PGM2: variants seen among roughly 807,000 people sequenced by gnomAD.
PGM2 encodes the protein phosphoglucomutase 2.
In PGM2, 57 loss-of-function variants were observed where a neutral mutation model predicts 74.6. That is an observed-to-expected ratio of 0.76 (90% CI 0.62 to 0.95). PGM2 has a LOEUF of 0.95. Among genes scored for constraint, PGM2 ranks in the 40% least tolerant of loss-of-function variants. The pLI, the probability that PGM2 is intolerant of heterozygous loss-of-function variation, is 0.00. For synonymous variants in PGM2, 273 were observed against 260.7 expected (o/e 1.05, Z -0.46); for missense variants, 706 against 741.9 (o/e 0.95, Z 0.56).
chr4:37,826,811 A>C lies in PGM2; in HGVS notation c.79A>C (p.Lys27Gln). 1 of 1,541,712 alleles carries C rather than the reference A, an allele frequency of 6.5e-7. No individual in the cohort carries two copies. The highest frequency in any genetic ancestry group is 8.8e-7 in the Non-Finnish European group (1 of 1,139,762). The change falls in exon 1 of 14, where the codon AAG becomes CAG. Residue 27 changes from lysine to glutamine, a missense_variant and splice_region_variant. By Grantham distance (53) the Lys-to-Gln change is moderately conservative. Transcript: ENST00000381967. ...GACCGCCCAGTGGCTGCGCTGGGACAAGGTGAGGGGCACCAGCAGGCGGGG... is the reference window on the plus strand; with the variant it reads ...GACCGCCCAGTGGCTGCGCTGGGACCAGGTGAGGGGCACCAGCAGGCGGGG... ...QETAQWLRWDKNSLTLEAVKR... is the reference protein window; with the variant it reads ...QETAQWLRWDQNSLTLEAVKR...
At chr4:37,855,559 A>C in intron 12 of PGM2, 49 bp from the exon 13 acceptor site, 7 of 1,508,424 alleles carry the variant, frequency 4.6e-6, no homozygotes, top group Non-Finnish European at 6.3e-6. Context: ...GATATTGGTT[A>C]GGCCAGAATG....
At chr4:37,849,183 A>ATG (rs1455101988) in intron 11 of PGM2, among the ~76,000 whole-genome samples, 3 of 152,178 alleles carry the variant, frequency 2.0e-5, no homozygotes, top group Admixed American at 6.5e-5. Context: ...AAATGACAAC[A>ATG]TGAAAGAATG....
At chr4:37,833,553 C>T (rs1002296259) in intron 2 of PGM2, among the ~76,000 whole-genome samples, 2 of 152,012 alleles carry the variant, frequency 1.3e-5, no homozygotes, top group Non-Finnish European at 2.9e-5. Context: ...AGTGAGACCC[C>T]ATCTCAAAAG....
At chr4:37,836,035 C>G (rs180927379) in intron 3 of PGM2, among the ~76,000 whole-genome samples, 1 of 152,360 alleles carries the variant, frequency 6.6e-6, no homozygotes, top group African/African-American at 2.4e-5. Flanking sequence ...AGATCCTTTG[C>G]TCAGAGCATG....
Position 37,847,046 on chromosome 4 carries a change from T to C in PGM2, c.1123T>C (p.Leu375=). ...DRSALKDTYM[L]SSTVSSKILR... is the part of the protein sequence containing the mutation. ...CAGTGCTCTCAAAGACACGTACATG[T>C]TGTCCAGCACCGTCTCCTCCAAAAT... The change falls in exon 9 of 14, where the codon TTG becomes CTG. Residue 375 remains leucine (L), a synonymous_variant. Transcript: ENST00000381967. The C allele has an allele frequency of 1.9e-6, 3 of 1,613,874 alleles. No individual in the cohort carries two copies. The highest frequency in any genetic ancestry group is 2.5e-6 in the Non-Finnish European group (3 of 1,179,750).
chr4:37,853,400 AC>A (rs1726107622), intron 12 of PGM2, among the ~76,000 whole-genome samples: 1 of 135,528 alleles, frequency 7.4e-6, no homozygotes, highest in African/African-American at 2.8e-5. Flanking sequence ...ACAATATCTT[AC>A]CTCTCTAAGG....
Position 37,847,311 on chromosome 4 carries a change from G to C in PGM2, c.1282+16G>C. The C allele has an allele frequency of 6.5e-7, 1 of 1,547,080 alleles. No homozygotes were observed. Among genetic ancestry groups the C allele is most frequent in the Non-Finnish European group, 8.9e-7 (1 of 1,120,080 alleles). ...GAAGCTATTGGTAAGAAGTGATCAT[G>C]AACATTAAGGAATTGGCTGCAAGGC... On this transcript the variant is annotated intron_variant, in intron 10 of 13. Coordinates refer to ENST00000381967, the MANE Select transcript of PGM2 (RefSeq NM_018290.4).
In PGM2 at chr4:37,845,689, C is replaced by T. The variant is rs34893278; in HGVS notation, c.966C>T (p.Asp322=). 1,516 of 1,613,412 alleles carry T rather than the reference C, an allele frequency of 9.4e-4. 9 individuals are homozygous for T. The African/African-American group carries it at 0.017, about 18-fold the overall frequency. The part of the protein sequence containing the change: ...KTKARIVLAN[D]PDADRLAVAE... ...AGGCCAGAATTGTTTTAGCTAACGA[C>T]CCGGATGCTGATAGACTTGCTGTGG... The change falls in exon 8 of 14, where the codon GAC becomes GAT. Residue 322 remains aspartate (D), a synonymous_variant. Coordinates refer to ENST00000381967, the MANE Select transcript of PGM2 (RefSeq NM_018290.4).
intron 6 of PGM2, among the ~76,000 whole-genome samples, chr4:37,844,054 C>T (rs534725124): frequency 2.0e-5 from 3 of 152,156 alleles, no homozygotes; most frequent in Admixed American, 1.3e-4. Context: ...GTCAGGGCAC[C>T]TGTCAGGCCA....
rs183748307 is a variant in PGM2 at position 37,842,864 on chromosome 4, T to C, written c.720-1500T>C. On this transcript the variant is annotated intron_variant, in intron 6 of 13. Transcript: ENST00000381967. ...TTTTTGTAGAGATAGGGTTTCACCA[T>C]GTTGCCCAGGCTGGTCTCGTATTCC... Among the ~76,000 whole-genome samples the C allele has an allele frequency of 1.6e-4, 24 of 152,252 alleles. No homozygotes were observed. In the East Asian group the frequency reaches 3.9e-3, roughly 24 times the overall value.
At chr4:37,836,029 C>A (rs957075688) in intron 3 of PGM2, among the ~76,000 whole-genome samples, 6 of 152,234 alleles carry the variant, frequency 3.9e-5, no homozygotes, top group African/African-American at 1.2e-4. Flanking sequence ...CAAGTCAGAT[C>A]CTTTGCTCAG....
At chr4:37,842,975 C>T (rs1248425528) in intron 6 of PGM2, among the ~76,000 whole-genome samples, 1 of 152,068 alleles carries the variant, frequency 6.6e-6, no homozygotes, top group Non-Finnish European at 1.5e-5. Context: ...CATGTAATTT[C>T]ATTTAATCCT....
At chr4:37,835,479 A>T (rs2152175366) in intron 3 of PGM2, among the ~76,000 whole-genome samples, 1 of 152,362 alleles carries the variant, frequency 6.6e-6, no homozygotes, top group African/African-American at 2.4e-5. Flanking sequence ...AACTTTACTT[A>T]CAAAATGGGC....
chr4:37,839,334 T>A (rs1486273912), intron 4 of PGM2, among the ~76,000 whole-genome samples: 1 of 151,920 alleles, frequency 6.6e-6, no homozygotes, highest in Non-Finnish European at 1.5e-5. Flanking sequence ...AGGCTGGTCT[T>A]GAACTCCTGA....
chr4:37,859,616 G>A (rs6843428), intron 13 of PGM2, among the ~76,000 whole-genome samples: 116,261 of 152,074 alleles, frequency 0.76, 45,173 homozygotes, highest in African/African-American at 0.9. Flanking sequence ...CACACCTACA[G>A]GATACCTTCA....
chr4:37,837,092 C>T (rs559287441), intron 3 of PGM2, among the ~76,000 whole-genome samples: 22 of 152,272 alleles, frequency 1.4e-4, no homozygotes, highest in African/African-American at 5.1e-4. Flanking sequence ...CACCCCTGAC[C>T]TCTCCCTACT....
At chr4:37,840,822 C>T (rs892994053) in intron 6 of PGM2, among the ~76,000 whole-genome samples, 1 of 152,086 alleles carries the variant, frequency 6.6e-6, no homozygotes, top group African/African-American at 2.4e-5. Flanking sequence ...AGTACAAAAG[C>T]CATCATAGAT....
At chr4:37,839,219 A>G (rs929702163) in intron 4 of PGM2, among the ~76,000 whole-genome samples, 2 of 150,212 alleles carry the variant, frequency 1.3e-5, no homozygotes, top group African/African-American at 2.5e-5. Context: ...CCCAGGTTCA[A>G]GTGATTCTTC....
At chr4:37,856,472 T>C (rs556862314) in intron 13 of PGM2, among the ~76,000 whole-genome samples, 11 of 152,282 alleles carry the variant, frequency 7.2e-5, no homozygotes, top group African/African-American at 2.2e-4. Flanking sequence ...AGGTCTGTGC[T>C]GGGTTCTGGA....
Sources: gnomAD v4.1 joint callset for allele counts (sites outside exome capture counted in the v4.1 genomes callset) on GRCh38, gnomAD v4.1.1 for gene constraint, MANE v1.5 for transcripts, NCBI Gene and HGNC (gene_info 2026-07-23, HGNC 2026-07-21) for gene names.